The following EVC variants were observed in gnomAD, a reference collection of about 807,000 sequenced individuals.
EVC encodes EvC ciliary complex subunit 1.
A neutral mutation model predicts 118.9 loss-of-function variants in EVC; 116 were observed. That is an observed-to-expected ratio of 0.98 (90% CI 0.84 to 1.14). The LOEUF is 1.14. Among genes scored for constraint, EVC ranks in the 50% most tolerant of loss-of-function variants. The pLI, the probability that EVC is intolerant of heterozygous loss-of-function variation, is 0.00. For missense variants in EVC, 1,401 were observed against 1,246.4 expected (o/e 1.12, Z -1.87); for synonymous variants, 619 against 534.7 (o/e 1.16, Z -2.18).
At chr4:5,757,881 G>A (rs564700762) in intron 11 of EVC, among the ~76,000 whole-genome samples, 76 of 148,106 alleles carry the variant, frequency 5.1e-4, no homozygotes, top group African/African-American at 1.8e-3. Flanking sequence ...GGAGGTTAGG[G>A]CTTCAACCTA....
chr4:5,786,504 C>T (rs1048844397), intron 12 of EVC, among the ~76,000 whole-genome samples: 7 of 152,200 alleles, frequency 4.6e-5, no homozygotes, highest in African/African-American at 1.7e-4. Context: ...CAGCTGATTA[C>T]ATAAGTATGA....
At chr4:5,744,771 G>A (rs567697613) in intron 6 of EVC, among the ~76,000 whole-genome samples, 6 of 152,270 alleles carry the variant, frequency 3.9e-5, no homozygotes, top group African/African-American at 1.2e-4. Context: ...AACAGGAAGA[G>A]GCTGGGCAAG....
Position 5,742,784 on chromosome 4 carries a change from G to A in EVC, c.801+970G>A, listed in dbSNP as rs1728807679. Among the ~76,000 whole-genome samples the A allele has an allele frequency of 6.6e-6, 1 of 152,112 alleles. No individual in the cohort carries two copies. The highest frequency in any genetic ancestry group is 2.4e-5 in the African/African-American group (1 of 41,442). ...GCCATCACCACCACCAATGTTGCAG[G>A]GCAGGCAAGCTCCAGAATAGGGTTT... On this transcript the variant is annotated intron_variant, in intron 6 of 20. Coordinates refer to ENST00000264956, the MANE Select transcript of EVC (RefSeq NM_153717.3). This position sits in a 1 kb window ranked among gnomAD's most constrained non-coding sequence, Gnocchi z 5.2.
chr4:5,766,863 C>G (rs1483011647), intron 11 of EVC, among the ~76,000 whole-genome samples: 1 of 151,730 alleles, frequency 6.6e-6, no homozygotes, highest in African/African-American at 2.4e-5. Context: ...CCTCCTGTAG[C>G]TCAGAGTAAT....
At chr4:5,758,416 T>G in intron 11 of EVC, 1 of 324,548 alleles carries the variant, frequency 3.1e-6, no homozygotes, top group Non-Finnish European at 5.6e-6. Flanking sequence ...TATTTGATTA[T>G]TTAATTCTCA....
intron 7 of EVC, 22 bp from the exon 8 acceptor site, chr4:5,748,126 G>C: frequency 6.2e-7 from 1 of 1,614,040 alleles, no homozygotes; most frequent in Non-Finnish European, 8.5e-7. Flanking sequence ...CTCACTTCTT[G>C]CTGCTTGTGC....
chr4:5,802,851 A>G (rs1715252389), intron 16 of EVC, among the ~76,000 whole-genome samples: 1 of 152,154 alleles, frequency 6.6e-6, no homozygotes, highest in Non-Finnish European at 1.5e-5. Flanking sequence ...CTGGGTTTCT[A>G]ACAGGCCAGG....
chr4:5,824,072 A>C, the EVC span, among the ~76,000 whole-genome samples: 1 of 152,194 alleles, frequency 6.6e-6, no homozygotes, highest in Admixed American at 6.5e-5. Flanking sequence ...GGGCCCTTCC[A>C]GGTGGCTTTT....
At chr4:5,736,430 G>T (rs544766492) in intron 5 of EVC, among the ~76,000 whole-genome samples, 56 of 152,248 alleles carry the variant, frequency 3.7e-4, no homozygotes, top group African/African-American at 1.3e-3. Flanking sequence ...CACCCCTGGG[G>T]GAGGAGCACA....
chr4:5,723,432 G>A (rs1467127138), intron 2 of EVC, among the ~76,000 whole-genome samples: 1 of 152,000 alleles, frequency 6.6e-6, no homozygotes, highest in Non-Finnish European at 1.5e-5. Flanking sequence ...CTCGTGATCT[G>A]CCCGCCTTGG....
In EVC at chr4:5,748,381, T is replaced by G. The variant is rs1013571976; in HGVS notation, c.1098+75T>G. On this transcript the variant is annotated intron_variant, in intron 8 of 20. Coordinates refer to ENST00000264956, the MANE Select transcript of EVC (RefSeq NM_153717.3). ...TATGGAATCCTGAGGCTTGACATCC[T>G]TAAATCTAACAGATTCATGTTGTAG... 142 of 1,529,488 alleles carry G rather than the reference T, an allele frequency of 9.3e-5. 1 individual carries two copies. The highest frequency in any genetic ancestry group is 1.3e-4 in the Non-Finnish European group (140 of 1,114,544). The allele number at this position is 1,529,488 out of a possible 1,614,324, so 94.7% of individuals were successfully genotyped here. A position where few individuals can be genotyped will look rare whatever the true frequency, so the allele number is the denominator to read the frequency against.
At chr4:5,805,922 G>A (rs1377848605) in intron 17 of EVC, among the ~76,000 whole-genome samples, 2 of 133,370 alleles carry the variant, frequency 1.5e-5, no homozygotes, top group African/African-American at 5.5e-5. Context: ...AGGAGTGACA[G>A]TACAATTTTG....
intron 5 of EVC, 24 bp downstream of exon 5, chr4:5,733,459 C>T (rs185642528): frequency 1.9e-6 from 3 of 1,596,980 alleles, no homozygotes; most frequent in South Asian, 2.2e-5. Context: ...TTCGCATTCC[C>T]TCCTTTTCAT....
Position 5,811,268 on chromosome 4 carries a change from C to A in EVC, c.*231C>A. ...AACACGTCTCTGTGAGTTTGCATTTCATTTGGCTTGGAGCCCTGGCTCGAT... is the reference window on the plus strand; with the variant it reads ...AACACGTCTCTGTGAGTTTGCATTTAATTTGGCTTGGAGCCCTGGCTCGAT... On this transcript the variant is annotated 3_prime_UTR_variant, in exon 21 of 21. Transcript: ENST00000264956. 1 of 511,532 alleles carries A rather than the reference C, an allele frequency of 2.0e-6. No individual in the cohort carries two copies. The highest frequency in any genetic ancestry group is 2.1e-5 in the South Asian group (1 of 48,690). The allele number at this position is 511,532 out of a possible 1,614,324, so 31.7% of individuals were successfully genotyped here.
chr4:5,712,559 G>A (rs1208587358), intron 1 of EVC, among the ~76,000 whole-genome samples: 1 of 152,152 alleles, frequency 6.6e-6, no homozygotes, highest in Non-Finnish European at 1.5e-5. Flanking sequence ...TAAAGTCTGC[G>A]CGATCAGAAA....
At chr4:5,784,569 G>A (rs987059777) in intron 12 of EVC, among the ~76,000 whole-genome samples, 2 of 151,618 alleles carry the variant, frequency 1.3e-5, no homozygotes, top group Admixed American at 6.6e-5. Context: ...TAGCAATGTG[G>A]AACAGCAGCA....
In EVC at chr4:5,731,306, T is replaced by C. The variant is rs377371651; in HGVS notation, c.385-119T>C. ...TGGTGTCTGCTGGCACCCTGGCCAG[T>C]CTCCTCCAGGCAGACCTTCCTGTGA... On this transcript the variant is annotated intron_variant, in intron 3 of 20. Transcript: ENST00000264956. This position sits in a 1 kb window ranked among gnomAD's most constrained non-coding sequence, Gnocchi z 5.6. 1.8e-4 allele frequency: 160 copies of C among 901,664 alleles called. No individual in the cohort carries two copies. In the African/African-American group the frequency reaches 2.5e-3, roughly 14 times the overall value. The allele number at this position is 901,664 out of a possible 1,614,324, so 55.9% of individuals were successfully genotyped here.
intron 11 of EVC, among the ~76,000 whole-genome samples, chr4:5,770,108 G>T (rs1733712066): frequency 6.6e-6 from 1 of 152,048 alleles, no homozygotes; most frequent in African/African-American, 2.4e-5. Flanking sequence ...TCTCCTGGTG[G>T]AGCTGAGGGC....
rs1731190365 is a variant in EVC at position 5,756,448 on chromosome 4, A to G, written c.1563+86A>G. ...TCACATCCTCCTGGCTGGGGACCCC[A>G]GAGGTGGTTCAGGTCCAACCCCGCA... On this transcript the variant is annotated intron_variant, in intron 11 of 20. Transcript: ENST00000264956. The surrounding 1 kb of genome is among the most constrained non-coding windows in gnomAD (Gnocchi z 4.2). The G allele has an allele frequency of 8.2e-7, 1 of 1,224,016 alleles. No individual in the cohort carries two copies. The highest frequency in any genetic ancestry group is 1.5e-5 in the African/African-American group (1 of 66,936). 75.8% of individuals were successfully genotyped at this position (1,224,016 alleles called of 1,614,324 possible). A position where few individuals can be genotyped will look rare whatever the true frequency, so the allele number is the denominator to read the frequency against.
Sources: allele counts gnomAD v4.1 joint callset (sites outside exome capture counted in the v4.1 genomes callset), GRCh38; gene constraint gnomAD v4.1.1; non-coding constraint Gnocchi (gnomAD v3.1); transcripts MANE v1.5; gene names NCBI Gene and HGNC (gene_info 2026-07-23, HGNC 2026-07-21).